PACSIN1: variants seen among roughly 807,000 people sequenced by gnomAD.
PACSIN1 encodes the protein protein kinase C and casein kinase substrate in neurons 1, also known as protein kinase C and casein kinase substrate in neurons protein 1.
PACSIN1 carries 15 observed loss-of-function variants against 59.5 expected under a neutral mutation model. The observed-to-expected ratio is 0.25, with a 90% CI of 0.17 to 0.39. The LOEUF is 0.39. Among genes scored for constraint, PACSIN1 ranks in the 10% least tolerant of loss-of-function variants. The probability of loss-of-function intolerance (pLI) is 1.00; values close to 1 mark genes in which losing one functional copy is unlikely to be tolerated. For missense variants in PACSIN1, 420 were observed against 580.2 expected, an observed-to-expected ratio of 0.72 and a Z score of 2.84; for synonymous variants, 210 against 220.6, an observed-to-expected ratio of 0.95 and a Z score of 0.42.
At chr6:34,466,642 G>C (rs144254234) in intron 1 of PACSIN1, among the ~76,000 whole-genome samples, 7 of 152,310 alleles carry the variant, frequency 4.6e-5, no homozygotes, top group South Asian at 2.1e-4. Context: ...GTGCCAGCTT[G>C]GTGCATAGGC....
At position 34,532,847 on chromosome 6, in the gene PACSIN1, C is replaced by T; in HGVS notation, c.*317C>T. ...CCTGAGGGATGGATGTCTCCTGACC[C>T]TTCCACCCCGCCTCACTCCCTCCGT... On this transcript the variant is annotated 3_prime_UTR_variant, in exon 10 of 10. Coordinates refer to ENST00000244458, the MANE Select transcript of PACSIN1 (RefSeq NM_020804.5). This position sits in a 1 kb window ranked among gnomAD's most constrained non-coding sequence, Gnocchi z 5.2. 4.0e-6 allele frequency: 1 copy of T among 249,408 alleles called. No individual in the cohort carries two copies. Among genetic ancestry groups the T allele is most frequent in the Non-Finnish European group, 7.7e-6 (1 of 129,646 alleles). The allele number at this position is 249,408 out of a possible 1,614,324, so 15.4% of individuals were successfully genotyped here. A position where few individuals can be genotyped will look rare whatever the true frequency, so the allele number is the denominator to read the frequency against.
At chr6:34,527,570 T>G (rs1767513259) in intron 3 of PACSIN1, 82 bp downstream of exon 3, 1 of 1,276,760 alleles carries the variant, frequency 7.8e-7, no homozygotes, top group African/African-American at 1.5e-5. Context: ...CCCGGCTACT[T>G]GCATGCACCA....
chr6:34,485,182 T>A (rs1267040670), intron 1 of PACSIN1: 3 of 152,146 alleles, frequency 2.0e-5, no homozygotes, highest in East Asian at 3.8e-4. Flanking sequence ...AGGTGTGTGA[T>A]GTGTCAAAAT....
intron 1 of PACSIN1, among the ~76,000 whole-genome samples, chr6:34,467,553 C>T (rs375442362): frequency 4.4e-5 from 4 of 90,808 alleles, no homozygotes; most frequent in Admixed American, 1.5e-4. Context: ...TAGGCCCTTC[C>T]TTTTTTTTTT....
rs1016251063 is a variant in PACSIN1, at chr6:34,515,777, C to T, written c.-63-10466C>T. 6.6e-6 allele frequency among the ~76,000 whole-genome samples: 1 copy of T among 152,200 alleles called. No individual in the cohort carries two copies. The highest frequency in any genetic ancestry group is 1.5e-5 in the Non-Finnish European group (1 of 68,020). ...TCTGATGGGGTGGGAGTGCCTGTGGCCCTCCCTCCTGCGCTCCCTGTCCCT... is the reference window on the plus strand; with the variant it reads ...TCTGATGGGGTGGGAGTGCCTGTGGTCCTCCCTCCTGCGCTCCCTGTCCCT... On this transcript the variant is annotated intron_variant, in intron 1 of 9. Coordinates refer to ENST00000244458, the MANE Select transcript of PACSIN1 (RefSeq NM_020804.5). This position sits in a 1 kb window ranked among gnomAD's most constrained non-coding sequence, Gnocchi z 4.4.
Position 34,531,543 on chromosome 6 carries a change from G to A in PACSIN1, c.1038-57G>A, listed in dbSNP as rs1767592722. On this transcript the variant is annotated intron_variant, in intron 8 of 9. Coordinates refer to ENST00000244458, the MANE Select transcript of PACSIN1 (RefSeq NM_020804.5). This position sits in a 1 kb window ranked among gnomAD's most constrained non-coding sequence, Gnocchi z 4.4. ...GGGCTCTGATTAGGAGGAGCGGTTA[G>A]CCCTCGGGATGCGGTACGGGGAGAC... 1.3e-6 allele frequency: 2 copies of A among 1,561,572 alleles called. No individual in the cohort carries two copies. The highest frequency in any genetic ancestry group is 1.8e-6 in the Non-Finnish European group (2 of 1,139,040).
Position 34,521,195 on chromosome 6 carries a change from G to A in PACSIN1, c.-63-5048G>A, listed in dbSNP as rs772009335. On this transcript the variant is annotated intron_variant, in intron 1 of 9. Coordinates refer to ENST00000244458, the MANE Select transcript of PACSIN1 (RefSeq NM_020804.5). The surrounding 1 kb of genome is among the most constrained non-coding windows in gnomAD (Gnocchi z 4.3). ...TGATGAATGCCGTGCTGTGGATGCC[G>A]TGTCCGGTGGTGACGAGGGCTGTGA... is the stretch of plus-strand genomic sequence containing the variant. Among the ~76,000 whole-genome samples, 6 of 152,202 alleles carry A rather than the reference G, an allele frequency of 3.9e-5. No homozygotes were observed. Among genetic ancestry groups the A allele is most frequent in the South Asian group, 4.1e-4 (2 of 4,830 alleles).
chr6:34,498,386 T>C (rs777397020), intron 1 of PACSIN1, among the ~76,000 whole-genome samples: 1 of 152,028 alleles, frequency 6.6e-6, no homozygotes, highest in Non-Finnish European at 1.5e-5. Flanking sequence ...AACTGGGTTG[T>C]TTGGTATTTT....
intron 1 of PACSIN1, among the ~76,000 whole-genome samples, chr6:34,504,917 C>T (rs1253970050): frequency 1.3e-5 from 2 of 151,912 alleles, no homozygotes; most frequent in Non-Finnish European, 2.9e-5. Context: ...ACTGTTTTGC[C>T]ACTTCTTTCT....
At chr6:34,497,600 C>T (rs78819869) in intron 1 of PACSIN1, among the ~76,000 whole-genome samples, 3,145 of 152,280 alleles carry the variant, frequency 0.021, 98 homozygotes, top group African/African-American at 0.071. Context: ...GGCAGCCACA[C>T]CTCTCTGATT....
intron 3 of PACSIN1, chr6:34,527,744 T>C (rs1043812118): frequency 6.2e-6 from 2 of 322,130 alleles, no homozygotes; most frequent in Non-Finnish European, 1.1e-5. Flanking sequence ...GTTGCAACAG[T>C]AGCACAGAGA....
intron 1 of PACSIN1, among the ~76,000 whole-genome samples, chr6:34,484,131 G>T (rs540302897): frequency 9.9e-5 from 15 of 152,230 alleles, no homozygotes; most frequent in Non-Finnish European, 1.9e-4. Flanking sequence ...CCTCATCAGG[G>T]CCTTTAACAT....
intron 1 of PACSIN1, among the ~76,000 whole-genome samples, chr6:34,496,806 G>C (rs557458453): frequency 6.6e-6 from 1 of 152,002 alleles, no homozygotes; most frequent in South Asian, 2.1e-4. Context: ...ATAGGCTTTG[G>C]AGCTGGATAC....
At chr6:34,528,591 G>A (rs757083326) in intron 3 of PACSIN1, 51 bp from the exon 4 acceptor site, 1 of 1,318,452 alleles carries the variant, frequency 7.6e-7, no homozygotes, top group Non-Finnish European at 1.1e-6. Context: ...GTGAGGGGGG[G>A]CCTCTGGGCA....
At chr6:34,471,104 C>T (rs1244568825) in intron 1 of PACSIN1, among the ~76,000 whole-genome samples, 2 of 152,168 alleles carry the variant, frequency 1.3e-5, no homozygotes, top group African/African-American at 4.8e-5. Context: ...GGCCACCACA[C>T]CCAGCTAATT....
intron 1 of PACSIN1, among the ~76,000 whole-genome samples, chr6:34,489,893 AATC>A (rs1212498918): frequency 6.6e-6 from 1 of 152,204 alleles, no homozygotes; most frequent in Non-Finnish European, 1.5e-5. Context: ...GGACTGATGG[AATC>A]ATCATCACAT....
intron 1 of PACSIN1, among the ~76,000 whole-genome samples, chr6:34,511,244 T>C (rs149654958): frequency 6.6e-6 from 1 of 152,378 alleles, no homozygotes; most frequent in East Asian, 1.9e-4. Flanking sequence ...ATTTTGCAGC[T>C]GTGTATTACA....
intron 1 of PACSIN1, among the ~76,000 whole-genome samples, chr6:34,471,252 A>T (rs968486228): frequency 2.6e-5 from 4 of 152,166 alleles, no homozygotes; most frequent in Admixed American, 2.0e-4. Context: ...CTGGCCCTGA[A>T]TTTTTATTGA....
At chr6:34,526,458 GC>G in intron 2 of PACSIN1, 90 bp downstream of exon 2, 1 of 1,048,342 alleles carries the variant, frequency 9.5e-7, no homozygotes, top group Non-Finnish European at 1.4e-6. Context: ...ATGACCTCAG[GC>G]CCCACTCCGC....
Sources: gnomAD v4.1 joint callset for allele counts (sites outside exome capture counted in the v4.1 genomes callset) on GRCh38, gnomAD v4.1.1 for gene constraint, Gnocchi (gnomAD v3.1) non-coding constraint, MANE v1.5 for transcripts, NCBI Gene and HGNC (gene_info 2026-07-23, HGNC 2026-07-21) for gene names.